Variants in PIP5K1B observed in about 807,000 individuals in gnomAD.
PIP5K1B encodes the protein phosphatidylinositol-4-phosphate 5-kinase type 1 beta.
A neutral mutation model predicts 67.0 loss-of-function variants in PIP5K1B; 42 were observed. That is an observed-to-expected ratio of 0.63 (90% CI 0.49 to 0.81). PIP5K1B has a LOEUF of 0.81. PIP5K1B is among the 30% of genes least tolerant of loss of function. The pLI is 0.00. For missense variants in PIP5K1B, 459 were observed against 646.3 expected (o/e 0.71, Z 3.14); for synonymous variants, 214 against 231.4 (o/e 0.92, Z 0.68).
intron 14 of PIP5K1B, among the ~76,000 whole-genome samples, chr9:68,959,849 T>C (rs1413452493): frequency 6.6e-6 from 1 of 152,188 alleles, no homozygotes; most frequent in Non-Finnish European, 1.5e-5. Context: ...GCGTCGGATA[T>C]TTCAGCAGAG....
intron 5 of PIP5K1B, among the ~76,000 whole-genome samples, chr9:68,865,601 C>G (rs1000939280): frequency 7.9e-5 from 12 of 152,176 alleles, no homozygotes; most frequent in African/African-American, 2.9e-4. Context: ...TCCATGTGCT[C>G]CCCCTATCCT....
intron 5 of PIP5K1B, among the ~76,000 whole-genome samples, chr9:68,867,081 C>T (rs1823395427): frequency 6.6e-6 from 1 of 152,082 alleles, no homozygotes; most frequent in Admixed American, 6.5e-5. Flanking sequence ...ACATGAAATG[C>T]TTTCTATTCA....
Position 68,961,142 on chromosome 9 carries a change from G to A in PIP5K1B, c.1502+20352G>A, listed in dbSNP as rs1291773414. On this transcript the variant is annotated intron_variant, in intron 14 of 15. Transcript: ENST00000265382. ...GGAGAATGGCGTGAACCCGGGAAGC[G>A]GAGCTTGCAGTGAGCCGAGATTGCG... Among the ~76,000 whole-genome samples, 12 of 151,298 alleles carry A rather than the reference G, an allele frequency of 7.9e-5. 1 individual carries two copies. Among genetic ancestry groups the A allele is most frequent in the Admixed American group, 7.3e-4 (11 of 15,168 alleles).
intron 12 of PIP5K1B, among the ~76,000 whole-genome samples, chr9:68,933,259 G>A (rs547848040): frequency 1.3e-5 from 2 of 151,064 alleles, no homozygotes; most frequent in African/African-American, 4.8e-5. Context: ...TGCATGTTCA[G>A]CACATGTATC....
intron 14 of PIP5K1B, among the ~76,000 whole-genome samples, chr9:68,982,494 C>T (rs1325583374): frequency 6.6e-5 from 10 of 152,166 alleles, no homozygotes; most frequent in African/African-American, 2.2e-4. Flanking sequence ...CGGTGGCTCA[C>T]GCCTGTAATC....
chr9:68,820,955 C>T (rs1449781970), intron 3 of PIP5K1B, among the ~76,000 whole-genome samples: 4 of 152,174 alleles, frequency 2.6e-5, no homozygotes, highest in Non-Finnish European at 5.9e-5. Context: ...ATGTAAACTT[C>T]TCTATATCAT....
intron 15 of PIP5K1B, among the ~76,000 whole-genome samples, chr9:68,996,703 G>A (rs1164214401): frequency 6.6e-6 from 1 of 152,170 alleles, no homozygotes; most frequent in African/African-American, 2.4e-5. Context: ...TTTGGTTTTC[G>A]TGGAAAGAGG....
At chr9:68,720,449 T>C (rs1827832687) in intron 1 of PIP5K1B, among the ~76,000 whole-genome samples, 1 of 152,200 alleles carries the variant, frequency 6.6e-6, no homozygotes, top group Non-Finnish European at 1.5e-5. Context: ...CAGTCACCTT[T>C]TAAAAATTCA....
At chr9:68,835,742 G>T (rs944489151) in intron 4 of PIP5K1B, among the ~76,000 whole-genome samples, 1 of 151,826 alleles carries the variant, frequency 6.6e-6, no homozygotes, top group Non-Finnish European at 1.5e-5. Context: ...AAGGTGGAAG[G>T]TTGTTTCAAA....
intron 15 of PIP5K1B, among the ~76,000 whole-genome samples, chr9:68,991,866 T>C (rs1830380331): frequency 6.6e-6 from 1 of 152,202 alleles, no homozygotes; most frequent in Admixed American, 6.5e-5. Flanking sequence ...TGTTAGATAA[T>C]GCCTAGAAAG....
rs181197148 is a variant in PIP5K1B, at chr9:68,997,867, G to A, written c.1620+6610G>A. On this transcript the variant is annotated intron_variant, in intron 15 of 15. Transcript: ENST00000265382. ...ATTAAACTGCTGTTTAAGGATTAGC[G>A]TAGGGAATTCCAGCTGGAGTTATAA... Among the ~76,000 whole-genome samples the A allele has an allele frequency of 1.1e-3, 166 of 152,122 alleles. 1 individual carries two copies. The highest frequency in any genetic ancestry group is 6.8e-3 in the Middle Eastern group (2 of 294).
Position 68,863,703 on chromosome 9 carries a change from C to A in PIP5K1B, c.70-134C>A, listed in dbSNP as rs1472234790. On this transcript the variant is annotated intron_variant, in intron 4 of 15. Coordinates refer to ENST00000265382, the MANE Select transcript of PIP5K1B (RefSeq NM_003558.4). ...TGCATCAAAAGAAGCAACTTATCATCTTGCCAAACCTCAGCCTCGTCATTG... is the reference window on the plus strand; with the variant it reads ...TGCATCAAAAGAAGCAACTTATCATATTGCCAAACCTCAGCCTCGTCATTG... 1.4e-5 allele frequency: 9 copies of A among 635,268 alleles called. No homozygotes were observed. In the East Asian group the frequency reaches 2.6e-4, roughly 18 times the overall value. 39.4% of individuals were successfully genotyped at this position (635,268 alleles called of 1,614,324 possible). A position where few individuals can be genotyped will look rare whatever the true frequency, so the allele number is the denominator to read the frequency against.
chr9:68,904,672 A>G (rs930376551), intron 8 of PIP5K1B, among the ~76,000 whole-genome samples: 12 of 152,042 alleles, frequency 7.9e-5, no homozygotes, highest in South Asian at 6.2e-4. Context: ...TAGGGACTCA[A>G]TGTGTGACGT....
At chr9:68,714,202 A>G (rs563519711) in intron 1 of PIP5K1B, among the ~76,000 whole-genome samples, 1 of 152,342 alleles carries the variant, frequency 6.6e-6, no homozygotes, top group Admixed American at 6.5e-5. Flanking sequence ...CTCAAATTCT[A>G]CATGTTCAAA....
At chr9:68,825,793 A>G (rs1833947530) in intron 4 of PIP5K1B, among the ~76,000 whole-genome samples, 1 of 152,218 alleles carries the variant, frequency 6.6e-6, no homozygotes, top group Non-Finnish European at 1.5e-5. Context: ...TGAGGAGTTC[A>G]AAAGGGAAGA....
intron 2 of PIP5K1B, among the ~76,000 whole-genome samples, chr9:68,817,566 T>TA (rs1410870098): frequency 6.6e-6 from 1 of 152,064 alleles, no homozygotes; most frequent in Non-Finnish European, 1.5e-5. Flanking sequence ...ATGAGATAGA[T>TA]ATATAGATTT....
intron 8 of PIP5K1B, among the ~76,000 whole-genome samples, chr9:68,897,362 T>A (rs1016608972): frequency 2.6e-5 from 4 of 152,192 alleles, no homozygotes; most frequent in African/African-American, 9.7e-5. Context: ...ACGACCTTTA[T>A]TTTTTATCAA....
chr9:68,788,708 G>A lies in PIP5K1B; in HGVS notation c.-85-29753G>A, dbSNP rs146435867. ...TCCTTTGTCGTGGAGTCAGGCTCAC[G>A]TTTAGGACCCCTTTGGGCATCTGGC... On this transcript the variant is annotated intron_variant, in intron 2 of 15. Coordinates refer to ENST00000265382, the MANE Select transcript of PIP5K1B (RefSeq NM_003558.4). The A allele has an allele frequency of 4.7e-3, 1,223 of 261,558 alleles. 7 individuals are homozygous for A. Among genetic ancestry groups the A allele is most frequent in the Non-Finnish European group, 6.9e-3 (888 of 128,254 alleles). The allele number at this position is 261,558 out of a possible 1,614,324, so 16.2% of individuals were successfully genotyped here.
intron 1 of PIP5K1B, among the ~76,000 whole-genome samples, chr9:68,736,259 A>G (rs1334223746): frequency 6.6e-6 from 1 of 152,240 alleles, no homozygotes; most frequent in East Asian, 1.9e-4. Flanking sequence ...AGAAGTAGAA[A>G]GACCAGTTAA....
Sources: allele counts gnomAD v4.1 joint callset (sites outside exome capture counted in the v4.1 genomes callset), GRCh38; gene constraint gnomAD v4.1.1; transcripts MANE v1.5; gene names NCBI Gene and HGNC (gene_info 2026-07-23, HGNC 2026-07-21).